Variants in SPATA16 observed in about 807,000 individuals in gnomAD.
SPATA16 encodes the protein spermatogenesis-associated protein 16.
Under a neutral mutation model 63.3 loss-of-function variants are expected in SPATA16, and 36 were observed. That is an observed-to-expected ratio of 0.57 (90% CI 0.44 to 0.75). SPATA16 has a LOEUF of 0.75. SPATA16 is among the 30% of genes least tolerant of loss of function. The pLI is 0.00. For missense variants in SPATA16, 646 were observed against 679.3 expected (o/e 0.95, Z 0.54); for synonymous variants, 203 against 216.7 (o/e 0.94, Z 0.56).
chr3:172,942,094 A>G (rs759375926), intron 6 of SPATA16, among the ~76,000 whole-genome samples: 3 of 152,134 alleles, frequency 2.0e-5, no homozygotes, highest in Non-Finnish European at 4.4e-5. Context: ...ATAACCAAAC[A>G]TAACACAGAA....
At chr3:173,133,492 G>A (rs973066903) in intron 1 of SPATA16, among the ~76,000 whole-genome samples, 1 of 152,076 alleles carries the variant, frequency 6.6e-6, no homozygotes, top group African/African-American at 2.4e-5. Context: ...CTATCTTAGT[G>A]ACTTCCCCCG....
At chr3:172,920,247 G>T (rs976295702) in intron 8 of SPATA16, among the ~76,000 whole-genome samples, 11 of 152,322 alleles carry the variant, frequency 7.2e-5, no homozygotes, top group African/African-American at 2.4e-4. Context: ...CAAATTGTGA[G>T]GGTCAAATTA....
intron 1 of SPATA16, among the ~76,000 whole-genome samples, chr3:173,127,476 A>T (rs759055497): frequency 3.3e-5 from 5 of 152,070 alleles, no homozygotes; most frequent in Admixed American, 2.0e-4. Context: ...AAGATAATGT[A>T]TTGTGTCTCT....
At chr3:172,934,695 A>C (rs1403541643) in intron 6 of SPATA16, among the ~76,000 whole-genome samples, 3 of 152,208 alleles carry the variant, frequency 2.0e-5, no homozygotes, top group African/African-American at 7.2e-5. Context: ...ATCATGATTC[A>C]TAAGCAAATA....
intron 5 of SPATA16, among the ~76,000 whole-genome samples, chr3:172,960,640 T>C (rs1483808200): frequency 2.0e-5 from 3 of 151,970 alleles, no homozygotes; most frequent in African/African-American, 7.3e-5. Context: ...AAAGAGACCA[T>C]GGGACAGCAA....
intron 1 of SPATA16, among the ~76,000 whole-genome samples, chr3:173,118,438 A>G (rs1378872898): frequency 6.6e-6 from 1 of 152,202 alleles, no homozygotes; most frequent in Non-Finnish European, 1.5e-5. Flanking sequence ...CTGTATAAAG[A>G]TGAGGTATTT....
chr3:173,092,668 C>T lies in SPATA16; in HGVS notation c.612+24452G>A, dbSNP rs550714803. On this transcript the variant is annotated intron_variant, in intron 2 of 10. Coordinates refer to ENST00000351008, the MANE Select transcript of SPATA16 (RefSeq NM_031955.6). ...CCTAGAGTCTACCCAAGGAATTTAA[C>T]CCTGCAAACACCTTGATTTTAGCCC... 2.6e-5 allele frequency among the ~76,000 whole-genome samples: 4 copies of T among 152,224 alleles called. No homozygotes were observed. The East Asian group carries it at 7.7e-4, about 29-fold the overall frequency.
intron 4 of SPATA16, among the ~76,000 whole-genome samples, chr3:172,977,364 A>G (rs1734189484): frequency 6.6e-6 from 1 of 152,172 alleles, no homozygotes; most frequent in Non-Finnish European, 1.5e-5. Context: ...GGCCTATATT[A>G]AGCTTCAAAG....
At chr3:172,925,970 C>T (rs879676833) in intron 6 of SPATA16, among the ~76,000 whole-genome samples, 4 of 152,018 alleles carry the variant, frequency 2.6e-5, no homozygotes, top group Admixed American at 6.6e-5. Flanking sequence ...GGATTACAGG[C>T]GCCCGCCACC....
At chr3:173,031,857 GA>G (rs1261311283) in intron 3 of SPATA16, among the ~76,000 whole-genome samples, 1 of 151,984 alleles carries the variant, frequency 6.6e-6, no homozygotes, top group East Asian at 1.9e-4. Context: ...AATCAAGATA[GA>G]AAAATGGAAT....
At chr3:173,071,174 T>C (rs2108307255) in intron 2 of SPATA16, among the ~76,000 whole-genome samples, 1 of 152,326 alleles carries the variant, frequency 6.6e-6, no homozygotes, top group South Asian at 2.1e-4. Flanking sequence ...TACAGTCAAC[T>C]CATTTTAGAC....
chr3:173,072,013 C>T (rs192525461), intron 2 of SPATA16, among the ~76,000 whole-genome samples: 45 of 152,114 alleles, frequency 3.0e-4, no homozygotes, highest in Non-Finnish European at 5.6e-4. Flanking sequence ...GGAGATTTCT[C>T]AACTAATTTA....
chr3:173,018,523 G>A (rs1280458047), intron 4 of SPATA16, among the ~76,000 whole-genome samples: 1 of 152,000 alleles, frequency 6.6e-6, no homozygotes, highest in African/African-American at 2.4e-5. Flanking sequence ...TGATCCACCT[G>A]CCTCGGCCTC....
intron 2 of SPATA16, among the ~76,000 whole-genome samples, chr3:173,085,927 T>C (rs552237039): frequency 6.6e-6 from 1 of 152,306 alleles, no homozygotes; most frequent in South Asian, 2.1e-4. Flanking sequence ...CAGGATTTTA[T>C]TGAGGATTTT....
chr3:173,128,434 A>T (rs1049683735), intron 1 of SPATA16, among the ~76,000 whole-genome samples: 3 of 152,208 alleles, frequency 2.0e-5, no homozygotes, highest in African/African-American at 7.2e-5. Context: ...TTCATAGTTT[A>T]GTGGGAGATA....
chr3:173,026,318 T>G (rs908811408), intron 3 of SPATA16, among the ~76,000 whole-genome samples: 6 of 152,006 alleles, frequency 3.9e-5, no homozygotes, highest in Non-Finnish European at 8.8e-5. Flanking sequence ...AAGGGTTCTT[T>G]ATGTACTCTG....
At chr3:173,065,329 T>C (rs1208213725) in intron 2 of SPATA16, among the ~76,000 whole-genome samples, 1 of 152,180 alleles carries the variant, frequency 6.6e-6, no homozygotes, top group Non-Finnish European at 1.5e-5. Context: ...AATGCTCTCT[T>C]AAGGCAACTT....
rs530446703 is a variant in SPATA16, at chr3:172,969,728, A to G, written c.933+7240T>C. ...TTTTTCCCCTCCTTGTTGCAACGTCATCTCCACCCCTTTGTCTTGGCTTTG... is the reference window on the plus strand; with the variant it reads ...TTTTTCCCCTCCTTGTTGCAACGTCGTCTCCACCCCTTTGTCTTGGCTTTG... On this transcript the variant is annotated intron_variant, in intron 5 of 10. Transcript: ENST00000351008. Among the ~76,000 whole-genome samples, 9 of 152,212 alleles carry G rather than the reference A, an allele frequency of 5.9e-5. No individual in the cohort carries two copies. In the South Asian group the frequency reaches 1.9e-3, roughly 32 times the overall value.
At chr3:172,976,185 G>A (rs752681393) in intron 5 of SPATA16, among the ~76,000 whole-genome samples, 2 of 152,028 alleles carry the variant, frequency 1.3e-5, no homozygotes, top group Admixed American at 6.6e-5. Context: ...TGGTTCATGT[G>A]GACTCATCAG....
Sources: allele counts gnomAD v4.1 joint callset (sites outside exome capture counted in the v4.1 genomes callset), GRCh38; gene constraint gnomAD v4.1.1; transcripts MANE v1.5; gene names NCBI Gene and HGNC (gene_info 2026-07-23, HGNC 2026-07-21).